The following RAPGEF6 variants were observed in gnomAD, a reference collection of about 807,000 sequenced individuals.
RAPGEF6 encodes PDZ domain containing guanine nucleotide exchange factor (GEF) 2.
RAPGEF6 carries 56 observed loss-of-function variants against 171.4 expected under a neutral mutation model. The observed-to-expected ratio is 0.33, with a 90% CI of 0.26 to 0.41. RAPGEF6 has a LOEUF of 0.41. Among genes scored for constraint, RAPGEF6 ranks in the 10% least tolerant of loss-of-function variants. The pLI, the probability that RAPGEF6 is intolerant of heterozygous loss-of-function variation, is 1.00. For synonymous variants in RAPGEF6, 692 were observed against 650.1 expected (o/e 1.06, Z -0.98); for missense variants, 1,674 against 1,921.4 (o/e 0.87, Z 2.41).
intron 1 of RAPGEF6, among the ~76,000 whole-genome samples, chr5:131,631,210 C>T (rs1766286738): frequency 6.6e-6 from 1 of 152,184 alleles, no homozygotes. Context: ...CCAGCTCAGG[C>T]TTCTTAGTAA....
chr5:131,429,240 A>T, intron 26 of RAPGEF6, 24 bp from the exon 27 acceptor site: 2 of 1,491,230 alleles, frequency 1.3e-6, no homozygotes, highest in Non-Finnish European at 1.8e-6. Flanking sequence ...TAAGCAATGA[A>T]AATGTTAATG....
chr5:131,476,893 C>T, intron 16 of RAPGEF6, among the ~76,000 whole-genome samples: 1 of 152,158 alleles, frequency 6.6e-6, no homozygotes, highest in East Asian at 1.9e-4. Context: ...GCACACCAGT[C>T]TAAACTTTTA....
rs184654917 is a variant in RAPGEF6, at chr5:131,484,841, T to C, written c.1840+4705A>G. 1.4e-4 allele frequency among the ~76,000 whole-genome samples: 22 copies of C among 152,318 alleles called. No individual in the cohort carries two copies. In the East Asian group the frequency reaches 2.5e-3, roughly 17 times the overall value. On this transcript the variant is annotated intron_variant, in intron 15 of 27. Transcript: ENST00000509018. ...GAATATTGTACACAGTATGGTTCCA[T>C]TGTATATCTATTTTTAGTATTTTAG...
intron 5 of RAPGEF6, among the ~76,000 whole-genome samples, chr5:131,558,888 A>T (rs1324206858): frequency 6.6e-6 from 1 of 152,176 alleles, no homozygotes; most frequent in Non-Finnish European, 1.5e-5. Flanking sequence ...TTCCATGTGC[A>T]CTTGAAAAGT....
chr5:131,446,526 CT>C lies in RAPGEF6; in HGVS notation c.3377del (p.Lys1126SerfsTer4). 6.2e-7 allele frequency: 1 copy of C among 1,614,232 alleles called. No homozygotes were observed. Among genetic ancestry groups the C allele is most frequent in the Non-Finnish European group, 8.5e-7 (1 of 1,180,022 alleles). ...CCCACTGTAATGACATCATCTGGAA[CT>C]TCTCCTCATCTGTCTCTACATCGAG... The part of the protein sequence containing the change: ...SSLDVETDEE[K>X]FQMMSLQWEP... On this transcript the variant is annotated frameshift_variant, in exon 22 of 28. Transcript: ENST00000509018. LOFTEE classifies it high-confidence loss of function.
chr5:131,514,994 T>C (rs553478161), intron 7 of RAPGEF6, among the ~76,000 whole-genome samples: 5 of 152,298 alleles, frequency 3.3e-5, no homozygotes, highest in Admixed American at 6.5e-5. Flanking sequence ...TGTCTCTGTA[T>C]ACATAAATAT....
chr5:131,541,538 G>A (rs1167643103), intron 6 of RAPGEF6, among the ~76,000 whole-genome samples: 1 of 144,492 alleles, frequency 6.9e-6, no homozygotes, highest in Non-Finnish European at 1.5e-5. Flanking sequence ...TCTTTTTTTT[G>A]TAGAGACAGG....
chr5:131,456,713 A>T (rs1458680279), intron 19 of RAPGEF6, among the ~76,000 whole-genome samples: 1 of 152,216 alleles, frequency 6.6e-6, no homozygotes, highest in Non-Finnish European at 1.5e-5. Flanking sequence ...CTTATCAGCA[A>T]ATCCTGTTTC....
chr5:131,466,796 T>G (rs942744231), intron 17 of RAPGEF6, among the ~76,000 whole-genome samples: 5 of 152,352 alleles, frequency 3.3e-5, no homozygotes, highest in African/African-American at 1.2e-4. Context: ...GAAAACGGAC[T>G]AATATACCTC....
At chr5:131,438,129 C>G (rs1216004140) in intron 24 of RAPGEF6, among the ~76,000 whole-genome samples, 1 of 121,546 alleles carries the variant, frequency 8.2e-6, no homozygotes. Flanking sequence ...GCTGGGACTA[C>G]AGGCATGTGC....
chr5:131,620,346 C>T (rs1157945300), intron 1 of RAPGEF6, among the ~76,000 whole-genome samples: 1 of 152,214 alleles, frequency 6.6e-6, no homozygotes, highest in African/African-American at 2.4e-5. Flanking sequence ...AACTTAGATA[C>T]TATATGTTCT....
intron 1 of RAPGEF6, among the ~76,000 whole-genome samples, chr5:131,622,273 AT>A (rs1200795493): frequency 6.6e-6 from 1 of 152,210 alleles, no homozygotes; most frequent in Non-Finnish European, 1.5e-5. Context: ...GACACTTAAG[AT>A]TTTGATTCTG....
intron 24 of RAPGEF6, chr5:131,435,959 T>C (rs1195029813): frequency 6.5e-7 from 1 of 1,530,112 alleles, no homozygotes; most frequent in Non-Finnish European, 8.8e-7. Context: ...CATCAGAGTG[T>C]CTTCCTCCTT....
At chr5:131,480,590 TG>T (rs1755405198) in intron 15 of RAPGEF6, among the ~76,000 whole-genome samples, 1 of 152,054 alleles carries the variant, frequency 6.6e-6, no homozygotes, top group Non-Finnish European at 1.5e-5. Flanking sequence ...GCGATTCTCT[TG>T]CCTCGGCTTC....
In RAPGEF6 at chr5:131,472,748, CA is replaced by C. The variant is rs765251323; in HGVS notation, c.2082-5del. 2 of 1,603,380 alleles carry C rather than the reference CA, an allele frequency of 1.2e-6. No individual in the cohort carries two copies. Among genetic ancestry groups the C allele is most frequent in the Non-Finnish European group, 1.7e-6 (2 of 1,170,454 alleles). Reference sequence around the variant, plus strand: ...TGATTGGCTTAGGCCTCCATCACTTCAAAAGAATGTCATATATCACTTTAAA... The same window carrying C: ...TGATTGGCTTAGGCCTCCATCACTTCAAAGAATGTCATATATCACTTTAAA... On this transcript the variant is annotated splice_polypyrimidine_tract_variant and splice_region_variant and intron_variant, in intron 16 of 27. Coordinates refer to ENST00000509018, the MANE Select transcript of RAPGEF6 (RefSeq NM_016340.6).
chr5:131,447,813 T>A (rs1338412276), intron 21 of RAPGEF6, among the ~76,000 whole-genome samples: 3 of 152,230 alleles, frequency 2.0e-5, no homozygotes, highest in African/African-American at 7.2e-5. Flanking sequence ...CTTTCACATT[T>A]TAAGATCTTT....
chr5:131,588,814 T>G (rs2149999647), intron 4 of RAPGEF6, among the ~76,000 whole-genome samples: 1 of 152,088 alleles, frequency 6.6e-6, no homozygotes, highest in Middle Eastern at 3.4e-3. Context: ...GGCTCACACC[T>G]GTAATCCTAG....
Position 131,433,611 on chromosome 5 carries a change from T to C in RAPGEF6, c.3793A>G (p.Ser1265Gly). Residue 1265 changes from serine to glycine, a missense_variant, in exon 25 of 28, where the codon AGC (serine) becomes GGC (glycine). Physicochemically the swap from Ser to Gly is moderately conservative, Grantham distance 56 (BLOSUM62 0). This residue lies in a region of RAPGEF6 where 552 missense variants were observed against 574.2 expected (regional missense o/e 0.96). Transcript: ENST00000509018. ...GACCGTGAAGAAATCTCACTATGGCTGGAGTCAGACAAGTTGTCAGATTTA... is the reference window on the plus strand; with the variant it reads ...GACCGTGAAGAAATCTCACTATGGCCGGAGTCAGACAAGTTGTCAGATTTA... ...SAKSDNLSDS[S>G]HSEISSRSSI... 6.2e-7 allele frequency: 1 copy of C among 1,613,700 alleles called. No homozygotes were observed. The highest frequency in any genetic ancestry group is 8.5e-7 in the Non-Finnish European group (1 of 1,179,698).
At chr5:131,590,194 GC>G (rs1245273106) in intron 4 of RAPGEF6, among the ~76,000 whole-genome samples, 1 of 152,182 alleles carries the variant, frequency 6.6e-6, no homozygotes, top group Non-Finnish European at 1.5e-5. Flanking sequence ...GAGGTCAGGA[GC>G]CTGAGACCAG....
Sources: gnomAD v4.1 joint callset for allele counts (sites outside exome capture counted in the v4.1 genomes callset) on GRCh38, gnomAD v4.1.1 for gene constraint, gnomAD v4.1.1 regional missense constraint, MANE v1.5 for transcripts, NCBI Gene and HGNC (gene_info 2026-07-23, HGNC 2026-07-21) for gene names.